Variants in SLC39A12 observed in about 807,000 individuals in gnomAD.
The protein encoded by SLC39A12 is zinc transporter ZIP12.
SLC39A12 carries 63 observed loss-of-function variants against 71.1 expected under a neutral mutation model. The observed-to-expected ratio is 0.89, with a 90% CI of 0.72 to 1.09. The LOEUF is 1.09. Ranked by LOEUF, SLC39A12 falls within the 50% of genes least tolerant of loss-of-function variation. The pLI is 0.00. For synonymous variants in SLC39A12, 351 were observed against 301.3 expected (o/e 1.16, Z -1.71); for missense variants, 892 against 812.6 (o/e 1.10, Z -1.19).
intron 12 of SLC39A12, among the ~76,000 whole-genome samples, chr10:18,025,857 G>A (rs1157214657): frequency 6.6e-6 from 1 of 152,128 alleles, no homozygotes; most frequent in African/African-American, 2.4e-5. Flanking sequence ...AAATCATGCT[G>A]CTTTTAAAAT....
chr10:17,980,503 AC>A (rs1322841020), intron 5 of SLC39A12, among the ~76,000 whole-genome samples: 1 of 152,202 alleles, frequency 6.6e-6, no homozygotes, highest in Non-Finnish European at 1.5e-5. Context: ...CGTCATTCTC[AC>A]TCACCTACTA....
chr10:17,975,826 T>TG (rs1331623859), intron 4 of SLC39A12, among the ~76,000 whole-genome samples: 1 of 152,158 alleles, frequency 6.6e-6, no homozygotes, highest in Non-Finnish European at 1.5e-5. Context: ...GCAAGGCTTG[T>TG]GGGGGAAGTC....
intron 12 of SLC39A12, among the ~76,000 whole-genome samples, chr10:18,017,072 T>A (rs1836405838): frequency 6.6e-6 from 1 of 152,204 alleles, no homozygotes; most frequent in Admixed American, 6.5e-5. Context: ...TCTATGCTCC[T>A]GGATTGCAAT....
chr10:18,003,681 C>T (rs1007191274), intron 12 of SLC39A12, among the ~76,000 whole-genome samples: 3 of 152,188 alleles, frequency 2.0e-5, no homozygotes, highest in African/African-American at 7.2e-5. Context: ...ATCATCAGCT[C>T]ATTCGATTCC....
chr10:18,039,360 A>G (rs1470447673), intron 12 of SLC39A12, among the ~76,000 whole-genome samples: 1 of 152,204 alleles, frequency 6.6e-6, no homozygotes, highest in Non-Finnish European at 1.5e-5. Flanking sequence ...GCTTACTGGG[A>G]CAAAGGAAGG....
In SLC39A12 at chr10:18,003,203, T is replaced by G. The variant is rs759480238; in HGVS notation, c.1792T>G (p.Ser598Ala). 4.3e-6 allele frequency: 7 copies of G among 1,614,132 alleles called. No homozygotes were observed. In the Admixed American group the frequency reaches 1.0e-4, roughly 23 times the overall value. Residue 598 changes from serine to alanine, a missense_variant, in exon 12 of 13, where the codon TCT (serine) becomes GCT (alanine). Coordinates refer to ENST00000377369, the MANE Select transcript of SLC39A12 (RefSeq NM_001145195.2). ...TGCCGTGCTCTTAAGCTCTGGACTT[T>G]CTATGAAGACTGCCATCCTGATGAA... The part of the protein sequence containing the change: ...DFAVLLSSGL[S>A]MKTAILMNFI...
chr10:17,993,180 G>A lies in SLC39A12; in HGVS notation c.1423-1G>A, dbSNP rs1489882906. 2.6e-6 allele frequency: 4 copies of A among 1,548,696 alleles called. No homozygotes were observed. The South Asian group carries it at 4.8e-5, about 18-fold the overall frequency. ...ACTAATTTTAAACCATCCTCATCCA[G>A]CAGGGCCTGTCATTGGTTAATGGGC... On this transcript the variant is annotated splice_acceptor_variant, in intron 8 of 12. Transcript: ENST00000377369. LOFTEE classifies it high-confidence loss of function.
At chr10:17,969,006 T>C (rs536490077) in intron 4 of SLC39A12, among the ~76,000 whole-genome samples, 6 of 152,306 alleles carry the variant, frequency 3.9e-5, no homozygotes, top group African/African-American at 1.4e-4. Context: ...ATTGTTTTGA[T>C]TTTTAGATCC....
At chr10:17,988,791 G>A (rs957249303) in intron 7 of SLC39A12, among the ~76,000 whole-genome samples, 14 of 152,152 alleles carry the variant, frequency 9.2e-5, no homozygotes, top group African/African-American at 3.1e-4. Context: ...CATGGGCTAC[G>A]TCTCCAGTGG....
At chr10:17,998,918 A>G (rs1835756231) in intron 10 of SLC39A12, among the ~76,000 whole-genome samples, 1 of 152,188 alleles carries the variant, frequency 6.6e-6, no homozygotes, top group Non-Finnish European at 1.5e-5. Context: ...TCCTCTTTCT[A>G]TTTTTATTGA....
chr10:18,041,064 C>G (rs920577534), intron 12 of SLC39A12, among the ~76,000 whole-genome samples: 2 of 152,032 alleles, frequency 1.3e-5, no homozygotes, highest in African/African-American at 4.8e-5. Flanking sequence ...AGTTAAATCT[C>G]CAATCCTTGT....
chr10:17,969,438 C>G (rs1035005383), intron 4 of SLC39A12, among the ~76,000 whole-genome samples: 1 of 152,152 alleles, frequency 6.6e-6, no homozygotes, highest in Non-Finnish European at 1.5e-5. Context: ...TTCTCCATAT[C>G]CTTGCCAGTA....
chr10:18,034,797 T>C (rs1184751398), intron 12 of SLC39A12, among the ~76,000 whole-genome samples: 1 of 149,952 alleles, frequency 6.7e-6, no homozygotes, highest in Non-Finnish European at 1.5e-5. Flanking sequence ...GGTTGTTCCT[T>C]TCCATGTTTA....
intron 3 of SLC39A12, among the ~76,000 whole-genome samples, chr10:17,962,712 T>C (rs1834723899): frequency 6.6e-6 from 1 of 152,220 alleles, no homozygotes; most frequent in South Asian, 2.1e-4. Context: ...ACATATCCTC[T>C]AATTTGCTGT....
At chr10:17,995,188 G>T (rs1447618607) in intron 9 of SLC39A12, among the ~76,000 whole-genome samples, 3 of 152,224 alleles carry the variant, frequency 2.0e-5, no homozygotes, top group Admixed American at 6.5e-5. Flanking sequence ...ATATTATGCT[G>T]CAGTGAATGA....
intron 10 of SLC39A12, among the ~76,000 whole-genome samples, chr10:17,998,943 A>G (rs1157612771): frequency 6.6e-6 from 1 of 150,940 alleles, no homozygotes; most frequent in African/African-American, 2.4e-5. Context: ...AATTATTAGA[A>G]TTATTAGAAT....
At position 17,961,595 on chromosome 10, in the gene SLC39A12, T is replaced by A; in HGVS notation, c.276T>A (p.Asp92Glu). 1 of 1,611,824 alleles carries A rather than the reference T, an allele frequency of 6.2e-7. No homozygotes were observed. Among genetic ancestry groups the A allele is most frequent in the Non-Finnish European group, 8.5e-7 (1 of 1,179,388 alleles). Residue 92 changes from aspartate (D) to glutamate (E), a missense_variant, in exon 3 of 13, where the codon GAT (aspartate) becomes GAA (glutamate). Asp to Glu is a conservative substitution (Grantham distance 45, BLOSUM62 2). Coordinates refer to ENST00000377369, the MANE Select transcript of SLC39A12 (RefSeq NM_001145195.2). ...QGDCNLCFEP[D>E]ALLLIAGGNF... ...TTCTTCCACAGTGCTTTGAACCAGATGCACTATTACTAATAGCTGGAGGAA... is the reference window on the plus strand; with the variant it reads ...TTCTTCCACAGTGCTTTGAACCAGAAGCACTATTACTAATAGCTGGAGGAA...
chr10:17,972,106 C>CA (rs143533344), intron 4 of SLC39A12, among the ~76,000 whole-genome samples: 2,058 of 152,190 alleles, frequency 0.014, 40 homozygotes, highest in African/African-American at 0.043. Context: ...CATTCAGGAG[C>CA]TATTGTTTAA....
rs1215422270 is a variant in SLC39A12, at chr10:17,980,177, GT to G, written c.925-1131del. Among the ~76,000 whole-genome samples the G allele has an allele frequency of 2.6e-5, 4 of 151,886 alleles. No homozygotes were observed. The East Asian group carries it at 7.7e-4, about 29-fold the overall frequency. ...GCCTTTCTAATACAATTTCCTCTTG[GT>G]TTTCTGATTTCAGTTGGTTCTGTTC... On this transcript the variant is annotated intron_variant, in intron 5 of 12. Transcript: ENST00000377369.
Sources: allele counts gnomAD v4.1 joint callset (sites outside exome capture counted in the v4.1 genomes callset), GRCh38; gene constraint gnomAD v4.1.1; transcripts MANE v1.5; gene names NCBI Gene and HGNC (gene_info 2026-07-23, HGNC 2026-07-21).